DISP1: variants seen among roughly 807,000 people sequenced by gnomAD.
DISP1 encodes dispatched RND transporter family member 1, also known as protein dispatched homolog 1.
DISP1 carries 30 observed loss-of-function variants against 37.3 expected under a neutral mutation model. The ratio of observed to expected loss-of-function variants is 0.80; its 90% confidence interval spans 0.60 to 1.09. The LOEUF (loss-of-function observed/expected upper bound fraction) is 1.09, where lower values mean the gene tolerates loss of function less well. DISP1 is among the 50% of genes least tolerant of loss of function. The pLI, the probability that DISP1 is intolerant of heterozygous loss-of-function variation, is 0.00. For missense variants in DISP1, 1,598 were observed against 1,879.5 expected, an observed-to-expected ratio of 0.85 and a Z score of 2.77; for synonymous variants, 634 against 690.2, an observed-to-expected ratio of 0.92 and a Z score of 1.28.
intron 1 of DISP1, among the ~76,000 whole-genome samples, chr1:222,907,733 C>T (rs758002757): frequency 2.6e-5 from 4 of 152,150 alleles, no homozygotes; most frequent in Non-Finnish European, 4.4e-5. Context: ...CGGCGGATCA[C>T]GAGGTCAGGA....
At chr1:222,944,861 ATTCAC>A (rs978007751) in intron 3 of DISP1, among the ~76,000 whole-genome samples, 11 of 152,310 alleles carry the variant, frequency 7.2e-5, no homozygotes, top group African/African-American at 2.6e-4. Context: ...CATGTAACAA[ATTCAC>A]TTCTGATTAA....
At position 222,918,131 on chromosome 1, in the gene DISP1, C is replaced by T. The variant is rs1046314539; in HGVS notation, c.-158-10299C>T. Reference sequence around the variant, plus strand: ...GGGAAATGAGAAGGGGGCCTGGACCCGGGCACCTCAAACATTGAGGACATT... The same window carrying T: ...GGGAAATGAGAAGGGGGCCTGGACCTGGGCACCTCAAACATTGAGGACATT... On this transcript the variant is annotated intron_variant, in intron 1 of 8. Transcript: ENST00000675850. 3.3e-5 allele frequency among the ~76,000 whole-genome samples: 5 copies of T among 152,130 alleles called. No individual in the cohort carries two copies. In the East Asian group the frequency reaches 5.8e-4, roughly 18 times the overall value.
intron 1 of DISP1, among the ~76,000 whole-genome samples, chr1:222,844,955 A>T (rs1351413439): frequency 6.6e-6 from 1 of 152,110 alleles, no homozygotes; most frequent in Non-Finnish European, 1.5e-5. Context: ...TAAAACTTCA[A>T]ACTCAACATT....
chr1:222,936,537 C>A (rs1351909409), intron 2 of DISP1, among the ~76,000 whole-genome samples: 15 of 123,752 alleles, frequency 1.2e-4, no homozygotes, highest in South Asian at 9.4e-4. Flanking sequence ...GTCTCTCTCT[C>A]TCTCTATATA....
Position 222,992,113 on chromosome 1 carries a change from G to A in DISP1, c.889+3G>A, listed in dbSNP as rs750735961. On this transcript the variant is annotated splice_donor_region_variant and intron_variant, in intron 7 of 8. Transcript: ENST00000675850. ...CAGCTTTTTCTGCGACGTTCCAAGT[G>A]AGTGACATTGTAGATGAACAAACCA... 7 of 1,609,504 alleles carry A rather than the reference G, an allele frequency of 4.3e-6. No homozygotes were observed. In the South Asian group the frequency reaches 6.6e-5, roughly 15 times the overall value.
At chr1:222,920,180 A>C (rs189349997) in intron 1 of DISP1, among the ~76,000 whole-genome samples, 1 of 152,334 alleles carries the variant, frequency 6.6e-6, no homozygotes, top group Admixed American at 6.5e-5. Flanking sequence ...ACATGCATGT[A>C]GATTCATTTA....
Position 223,004,398 on chromosome 1 carries a change from C to T in DISP1, c.3001C>T (p.Leu1001=), listed in dbSNP as rs148773109. The T allele has an allele frequency of 2.5e-4, 398 of 1,614,214 alleles. No individual in the cohort carries two copies. Among genetic ancestry groups the T allele is most frequent in the Non-Finnish European group, 3.3e-4 (384 of 1,180,042 alleles). Residue 1001 remains leucine, a synonymous_variant, in exon 9 of 9, where the codon CTG becomes TTG. Coordinates refer to ENST00000675850, the MANE Select transcript of DISP1 (RefSeq NM_001377229.1). The surrounding 1 kb of genome is among the most constrained non-coding windows in gnomAD (Gnocchi z 4.9). ...TGCTGTTGCATTTAGCGTGATGCTG[C>T]TGACAACTTGGAACATCATCATAAG... ...SVAVAFSVML[L]TTWNIIISLY...
intron 3 of DISP1, among the ~76,000 whole-genome samples, chr1:222,968,778 A>G (rs1376317110): frequency 6.6e-6 from 1 of 151,956 alleles, no homozygotes; most frequent in African/African-American, 2.4e-5. Context: ...TACTAAAAAT[A>G]CAAAATTAGC....
chr1:222,910,316 T>C (rs1035511450), intron 1 of DISP1, among the ~76,000 whole-genome samples: 9 of 152,110 alleles, frequency 5.9e-5, no homozygotes, highest in Non-Finnish European at 1.0e-4. Context: ...TAAGCCATGA[T>C]TGCACTATGG....
chr1:222,861,921 C>T (rs949455335), intron 1 of DISP1, among the ~76,000 whole-genome samples: 8 of 145,972 alleles, frequency 5.5e-5, no homozygotes, highest in Non-Finnish European at 7.8e-5. Context: ...TTTACTACTT[C>T]ATGAAAAATG....
intron 1 of DISP1, among the ~76,000 whole-genome samples, chr1:222,827,943 A>G (rs533570459): frequency 6.6e-6 from 1 of 152,350 alleles, no homozygotes; most frequent in East Asian, 1.9e-4. Flanking sequence ...AGTCTGATCC[A>G]GCAGCCTAAA....
chr1:222,988,907 C>T (rs1437642179), intron 4 of DISP1, among the ~76,000 whole-genome samples: 1 of 152,194 alleles, frequency 6.6e-6, no homozygotes, highest in Non-Finnish European at 1.5e-5. Context: ...ACTGCCTCAG[C>T]GTCCCAAAGT....
intron 1 of DISP1, among the ~76,000 whole-genome samples, chr1:222,847,955 A>G (rs769295705): frequency 5.9e-5 from 9 of 151,804 alleles, no homozygotes; most frequent in Admixed American, 2.0e-4. Context: ...ACTTCATAGT[A>G]CTTTTTATGC....
chr1:222,822,180 G>GT (rs1430658956), intron 1 of DISP1, among the ~76,000 whole-genome samples: 3 of 152,232 alleles, frequency 2.0e-5, no homozygotes, highest in Non-Finnish European at 4.4e-5. Flanking sequence ...TAGGCATAGA[G>GT]TATCTGCCTT....
intron 1 of DISP1, among the ~76,000 whole-genome samples, chr1:222,871,006 T>G (rs910871864): frequency 1.3e-5 from 2 of 152,142 alleles, no homozygotes; most frequent in African/African-American, 4.8e-5. Context: ...GCTTTCTACA[T>G]ATGGCTAGCC....
chr1:222,935,953 A>G (rs769600891), intron 2 of DISP1, among the ~76,000 whole-genome samples: 1 of 152,214 alleles, frequency 6.6e-6, no homozygotes, highest in Non-Finnish European at 1.5e-5. Context: ...TTGGTCAGTG[A>G]CAGACCACAT....
intron 3 of DISP1, among the ~76,000 whole-genome samples, chr1:222,946,299 G>A (rs1487500910): frequency 1.3e-5 from 2 of 150,878 alleles, no homozygotes; most frequent in African/African-American, 4.9e-5. Context: ...CAGGAGAATG[G>A]CGTGAACCCA....
At chr1:222,823,185 C>T (rs373588892) in intron 1 of DISP1, among the ~76,000 whole-genome samples, 72 of 152,254 alleles carry the variant, frequency 4.7e-4, no homozygotes, top group South Asian at 3.7e-3. Context: ...TGAGTATGTA[C>T]GCAAAGGAAA....
At chr1:222,985,316 T>G (rs940115631) in intron 4 of DISP1, among the ~76,000 whole-genome samples, 2 of 152,220 alleles carry the variant, frequency 1.3e-5, no homozygotes, top group African/African-American at 4.8e-5. Flanking sequence ...ATTGCTTCCC[T>G]TATTGAATTC....
Sources: allele counts gnomAD v4.1 joint callset (sites outside exome capture counted in the v4.1 genomes callset), GRCh38; gene constraint gnomAD v4.1.1; non-coding constraint Gnocchi (gnomAD v3.1); transcripts MANE v1.5; gene names NCBI Gene and HGNC (gene_info 2026-07-23, HGNC 2026-07-21).